The following PIK3C3 variants were observed in gnomAD, a reference collection of about 807,000 sequenced individuals.
PIK3C3 encodes PI3-kinase type 3.
In PIK3C3, 95 loss-of-function variants were observed where a neutral mutation model predicts 126.1. That is an observed-to-expected ratio of 0.75 (90% CI 0.64 to 0.89). PIK3C3 has a LOEUF of 0.89. Among genes scored for constraint, PIK3C3 ranks in the 40% least tolerant of loss-of-function variants. The pLI, the probability that PIK3C3 is intolerant of heterozygous loss-of-function variation, is 0.00. For synonymous variants in PIK3C3, 374 were observed against 360.0 expected (o/e 1.04, Z -0.44); for missense variants, 829 against 1,063.2 (o/e 0.78, Z 3.06).
chr18:42,071,266 A>T (rs550811353), intron 24 of PIK3C3, among the ~76,000 whole-genome samples: 47 of 152,348 alleles, frequency 3.1e-4, no homozygotes, highest in Admixed American at 1.2e-3. Flanking sequence ...TCTCCAGTTT[A>T]CAGTGATGGA....
At chr18:42,067,909 G>A (rs189272230) in intron 24 of PIK3C3, among the ~76,000 whole-genome samples, 1 of 152,170 alleles carries the variant, frequency 6.6e-6, no homozygotes, top group Non-Finnish European at 1.5e-5. Flanking sequence ...ACACCAGAAA[G>A]GTCTATCCAT....
intron 7 of PIK3C3, among the ~76,000 whole-genome samples, chr18:41,993,739 GA>G (rs1981894964): frequency 6.6e-6 from 1 of 152,088 alleles, no homozygotes; most frequent in South Asian, 2.1e-4. Context: ...ATGAATGCGT[GA>G]AAGTTTTAGG....
chr18:41,968,395 T>G (rs1157215510), intron 3 of PIK3C3, among the ~76,000 whole-genome samples: 1 of 152,216 alleles, frequency 6.6e-6, no homozygotes, highest in Admixed American at 6.5e-5. Context: ...AAAATTAACT[T>G]TATAAGAGAC....
chr18:42,033,963 T>G lies in PIK3C3; in HGVS notation c.1839+6T>G, dbSNP rs942897532. 2 of 1,579,830 alleles carry G rather than the reference T, an allele frequency of 1.3e-6. No homozygotes were observed. Among genetic ancestry groups the G allele is most frequent in the African/African-American group, 2.7e-5 (2 of 73,092 alleles). ...AAACAGCTACACTGTTTAAAGTAAT[T>G]GTGATGGATATTTAATGTGTATGAT... On this transcript the variant is annotated splice_donor_region_variant and intron_variant, in intron 16 of 24. Coordinates refer to ENST00000262039, the MANE Select transcript of PIK3C3 (RefSeq NM_002647.4).
intron 4 of PIK3C3, among the ~76,000 whole-genome samples, chr18:41,986,843 A>G (rs561245131): frequency 6.6e-6 from 1 of 152,212 alleles, no homozygotes; most frequent in South Asian, 2.1e-4. Flanking sequence ...TTTTTATTAC[A>G]ATGAACTTCA....
chr18:42,076,222 G>GCACA (rs769813250), intron 24 of PIK3C3, among the ~76,000 whole-genome samples: 1 of 130,076 alleles, frequency 7.7e-6, no homozygotes, highest in African/African-American at 3.0e-5. Context: ...ATATATATAT[G>GCACA]CATATATATA....
chr18:42,000,852 A>G (rs896827843), intron 9 of PIK3C3, among the ~76,000 whole-genome samples: 1 of 152,158 alleles, frequency 6.6e-6, no homozygotes, highest in Non-Finnish European at 1.5e-5. Context: ...CACGTGATTC[A>G]GTTACCTCCC....
intron 16 of PIK3C3, among the ~76,000 whole-genome samples, chr18:42,037,299 T>C (rs574185897): frequency 6.6e-6 from 1 of 152,338 alleles, no homozygotes; most frequent in Non-Finnish European, 1.5e-5. Context: ...AATGTCTTCT[T>C]TGTATTAGGC....
rs556684153 is a variant in PIK3C3 at position 42,052,518 on chromosome 18, G to T, written c.2263+2913G>T. ...CTGGATACATGTTTTCAAGTTTTTAGTTTTGGTTTGGATGAAATTAGATTC... is the reference window on the plus strand; with the variant it reads ...CTGGATACATGTTTTCAAGTTTTTATTTTTGGTTTGGATGAAATTAGATTC... On this transcript the variant is annotated intron_variant, in intron 21 of 24. Transcript: ENST00000262039. Among the ~76,000 whole-genome samples the T allele has an allele frequency of 3.0e-4, 45 of 152,162 alleles. No individual in the cohort carries two copies. The South Asian group carries it at 9.3e-3, about 32-fold the overall frequency.
chr18:42,075,313 T>C (rs2144532395), intron 24 of PIK3C3, among the ~76,000 whole-genome samples: 1 of 152,274 alleles, frequency 6.6e-6, no homozygotes, highest in East Asian at 1.9e-4. Context: ...TTATTTTTAA[T>C]TTAGTAATTA....
intron 24 of PIK3C3, among the ~76,000 whole-genome samples, chr18:42,072,868 T>C (rs1434399243): frequency 6.6e-6 from 1 of 152,096 alleles, no homozygotes. Context: ...TCGAGGGTTG[T>C]ATACGTGGGA....
chr18:42,036,001 G>A (rs924781070), intron 16 of PIK3C3, among the ~76,000 whole-genome samples: 5 of 152,050 alleles, frequency 3.3e-5, no homozygotes, highest in South Asian at 2.1e-4. Flanking sequence ...AGATGAAATC[G>A]TATTGAATCT....
Position 42,076,101 on chromosome 18 carries a change from T to TGC in PIK3C3, c.2650-5022_2650-5021insGC, listed in dbSNP as rs1205656853. On this transcript the variant is annotated intron_variant, in intron 24 of 24. Coordinates refer to ENST00000262039, the MANE Select transcript of PIK3C3 (RefSeq NM_002647.4). ...CTGCTTTACCTTGCATATATATATA[T>TGC]ATATATATATATATATATATGCGCA... Among the ~76,000 whole-genome samples, 346 of 72,710 alleles carry TGC rather than the reference T, an allele frequency of 4.8e-3. 4 individuals are homozygous for TGC. Among genetic ancestry groups the TGC allele is most frequent in the Non-Finnish European group, 7.1e-3 (270 of 38,174 alleles). The allele number at this position is 72,710 out of a possible 152,430, so 47.7% of individuals were successfully genotyped here.
chr18:41,966,358 C>T lies in PIK3C3; in HGVS notation c.401+3726C>T, dbSNP rs185500482. On this transcript the variant is annotated intron_variant, in intron 3 of 24. Transcript: ENST00000262039. The stretch of plus-strand genomic sequence containing the variant: ...CTAATTTTTGTATTTTTAGTATAGG[C>T]GGGGTTTCACCGTGTTGGCCAGGCT... 7.0e-3 allele frequency among the ~76,000 whole-genome samples: 1,068 copies of T among 151,708 alleles called. 13 individuals are homozygous for T. The highest frequency in any genetic ancestry group is 0.023 in the African/African-American group (944 of 41,396).
chr18:41,957,331 G>A (rs534520782), intron 1 of PIK3C3, among the ~76,000 whole-genome samples: 2 of 152,178 alleles, frequency 1.3e-5, no homozygotes, highest in East Asian at 3.9e-4. Flanking sequence ...TGATGAAGAT[G>A]GGACTGATAT....
At chr18:42,045,186 CAT>C (rs1984506503) in intron 20 of PIK3C3, among the ~76,000 whole-genome samples, 1 of 152,134 alleles carries the variant, frequency 6.6e-6, no homozygotes, top group Admixed American at 6.5e-5. Flanking sequence ...GGAATATAAA[CAT>C]ATATTACATG....
intron 12 of PIK3C3, among the ~76,000 whole-genome samples, chr18:42,016,775 T>C (rs974478409): frequency 2.0e-5 from 3 of 152,014 alleles, no homozygotes; most frequent in Middle Eastern, 3.2e-3. Flanking sequence ...TGGCAGAAGA[T>C]TGGATCCAGG....
chr18:41,987,986 T>A, intron 5 of PIK3C3, 88 bp downstream of exon 5: 1 of 761,976 alleles, frequency 1.3e-6, no homozygotes, highest in Non-Finnish European at 2.1e-6. Context: ...TTAGGTATCT[T>A]ACAAATATAG....
At chr18:41,991,292 G>A (rs369240341) in intron 6 of PIK3C3, among the ~76,000 whole-genome samples, 1 of 152,130 alleles carries the variant, frequency 6.6e-6, no homozygotes. Context: ...GGTTGGCTGC[G>A]TGGGAAGATT....
Sources: allele counts gnomAD v4.1 joint callset (sites outside exome capture counted in the v4.1 genomes callset), GRCh38; gene constraint gnomAD v4.1.1; transcripts MANE v1.5; gene names NCBI Gene and HGNC (gene_info 2026-07-23, HGNC 2026-07-21).